Variants in SCARB2 observed in about 807,000 individuals in gnomAD.
SCARB2 encodes scavenger receptor class B member 2, also known as lysosome membrane protein 2.
In SCARB2, 29 loss-of-function variants were observed where a neutral mutation model predicts 58.6. That is an observed-to-expected ratio of 0.49 (90% confidence interval 0.37 to 0.67). The LOEUF (loss-of-function observed/expected upper bound fraction) is 0.67, where lower values mean the gene tolerates loss of function less well. Among genes scored for constraint, SCARB2 ranks in the 30% least tolerant of loss-of-function variants. SCARB2 has a pLI of 0.00. For missense variants in SCARB2, 488 were observed against 578.5 expected, an observed-to-expected ratio of 0.84 and a Z score of 1.60; for synonymous variants, 195 against 210.1, an observed-to-expected ratio of 0.93 and a Z score of 0.62.
At chr4:76,193,376 G>A (rs1489580390) in intron 2 of SCARB2, 9 of 152,278 alleles carry the variant, frequency 5.9e-5, no homozygotes, top group Admixed American at 3.3e-4. Context: ...GGAGCTGAAG[G>A]CTCCACAAAG....
chr4:76,180,887 A>G (rs1210507511), intron 3 of SCARB2, 67 bp downstream of exon 3: 1 of 1,368,404 alleles, frequency 7.3e-7, no homozygotes, highest in African/African-American at 1.4e-5. Context: ...AAAATCATAA[A>G]GAGCATTAAC....
upstream of SCARB2, chr4:76,214,165 G>A (rs1578745121): frequency 2.2e-6 from 1 of 451,518 alleles, no homozygotes; most frequent in Non-Finnish European, 4.4e-6. Flanking sequence ...GGGATTCAAG[G>A]TGGCTGGGAC....
intron 2 of SCARB2, among the ~76,000 whole-genome samples, chr4:76,182,607 C>T (rs2109950113): frequency 6.6e-6 from 1 of 152,286 alleles, no homozygotes; most frequent in South Asian, 2.1e-4. Context: ...TGAGGCCTTT[C>T]CCAACCATAG....
intron 1 of SCARB2, among the ~76,000 whole-genome samples, chr4:76,226,577 G>A (rs1438634428): frequency 6.6e-6 from 1 of 152,116 alleles, no homozygotes; most frequent in Non-Finnish European, 1.5e-5. Context: ...CACAGAGCTT[G>A]GTGTTCCATA....
In SCARB2 at chr4:76,198,837, AGTGAGT is replaced by A. The variant is rs758265677; in HGVS notation, c.118-2979_118-2974del. ...AGAGTAGATCACGTGCTGGAGAGTG[AGTGAGT>A]GTGTGTGTGTGTGTGTGTGTGTGTG... On this transcript the variant is annotated intron_variant, in intron 1 of 11. Transcript: ENST00000264896. 6.6e-3 allele frequency among the ~76,000 whole-genome samples: 859 copies of A among 130,926 alleles called. 4 individuals are homozygous for A. Among genetic ancestry groups the A allele is most frequent in the African/African-American group, 0.026 (804 of 31,332 alleles). 85.9% of individuals were successfully genotyped at this position (130,926 alleles called of 152,430 possible). A position where few individuals can be genotyped will look rare whatever the true frequency, so the allele number is the denominator to read the frequency against.
chr4:76,173,909 A>G (rs1247728191), intron 7 of SCARB2: 5 of 539,484 alleles, frequency 9.3e-6, no homozygotes, highest in Non-Finnish European at 1.3e-5. Flanking sequence ...TGATCTTTCT[A>G]TTGGGCTGAC....
intron 10 of SCARB2, 70 bp downstream of exon 10, chr4:76,166,180 A>C: frequency 7.0e-7 from 1 of 1,421,854 alleles, no homozygotes; most frequent in South Asian, 1.1e-5. Context: ...TGTAACTACA[A>C]CAGTAGACAT....
chr4:76,222,520 G>A (rs1330678248), intron 1 of SCARB2, among the ~76,000 whole-genome samples: 2 of 152,188 alleles, frequency 1.3e-5, no homozygotes, highest in South Asian at 2.1e-4. Flanking sequence ...GAGCCACCGT[G>A]CCCGGCCTTT....
chr4:76,179,120 T>C, intron 4 of SCARB2: 1 of 240,350 alleles, frequency 4.2e-6, no homozygotes, highest in Non-Finnish European at 8.3e-6. Context: ...GTGGTGTAAT[T>C]TCAGCTCACT....
At position 76,184,484 on chromosome 4, in the gene SCARB2, G is replaced by A. The variant is rs994240598; in HGVS notation, c.276-3383C>T. On this transcript the variant is annotated intron_variant, in intron 2 of 11. Coordinates refer to ENST00000264896, the MANE Select transcript of SCARB2 (RefSeq NM_005506.4). ...TAGACAACCATTCCGCTTTCTGCTGGTAATAGCCCTGATTTGCTTTCCTCT... is the reference window on the plus strand; with the variant it reads ...TAGACAACCATTCCGCTTTCTGCTGATAATAGCCCTGATTTGCTTTCCTCT... Among the ~76,000 whole-genome samples the A allele has an allele frequency of 2.0e-5, 3 of 152,306 alleles. No homozygotes were observed. The East Asian group carries it at 5.8e-4, about 29-fold the overall frequency.
intron 8 of SCARB2, among the ~76,000 whole-genome samples, chr4:76,169,341 C>CACACACACACACATGT (rs3217498): frequency 1.3e-5 from 2 of 151,126 alleles, no homozygotes; most frequent in African/African-American, 4.9e-5. Flanking sequence ...CACACACACA[C>CACACACACACACATGT]GTGTGTATGT....
At chr4:76,178,603 G>A (rs1167088831) in intron 4 of SCARB2, among the ~76,000 whole-genome samples, 1 of 152,132 alleles carries the variant, frequency 6.6e-6, no homozygotes, top group Non-Finnish European at 1.5e-5. Flanking sequence ...GGGCTTGACA[G>A]GAAATCTGTG....
rs149474488 is a variant in SCARB2, at chr4:76,163,361, G to A, written c.1262C>T (p.Thr421Met). The A allele has an allele frequency of 1.9e-4, 311 of 1,614,144 alleles. 1 individual carries two copies. The highest frequency in any genetic ancestry group is 6.0e-4 in the East Asian group (27 of 44,884). ...AATCATAGACTTCAGTCGACTCGCC[G>A]TCTCTTTATCAATGTGAACACTCTG... ...LNESVHIDKETASRLKSMINT... is the reference protein window; with the variant it reads ...LNESVHIDKEMASRLKSMINT... Residue 421 changes from threonine to methionine, a missense_variant, in exon 11 of 12, where the codon ACG (threonine) becomes ATG (methionine). By Grantham distance (81) the Thr-to-Met change is moderately conservative. Transcript: ENST00000264896.
rs1732696835 is a variant in SCARB2 at position 76,195,719 on chromosome 4, G to A, written c.263C>T (p.Pro88Leu). ...GETPRVEEVGPYTYRELRNKA... is the reference protein window; with the variant it reads ...GETPRVEEVGLYTYRELRNKA... ...GGTCAAGACTTACCTGTAGGTGTATGGCCCCACTTCTTCCACCCGAGGGGT... is the reference window on the plus strand; with the variant it reads ...GGTCAAGACTTACCTGTAGGTGTATAGCCCCACTTCTTCCACCCGAGGGGT... Residue 88 changes from proline (P) to leucine (L), a missense_variant, in exon 2 of 12, where the codon CCA becomes CTA. Coordinates refer to ENST00000264896, the MANE Select transcript of SCARB2 (RefSeq NM_005506.4). The A allele has an allele frequency of 6.2e-7, 1 of 1,613,816 alleles. No homozygotes were observed. Among genetic ancestry groups the A allele is most frequent in the African/African-American group, 1.3e-5 (1 of 74,914 alleles).
At position 76,219,073 on chromosome 4, in the gene SCARB2, G is replaced by T. The variant is rs60787535; in HGVS notation, c.-358+15230C>A. Among the ~76,000 whole-genome samples, 455 of 152,288 alleles carry T rather than the reference G, an allele frequency of 3.0e-3. 6 individuals carry two copies. The highest frequency in any genetic ancestry group is 0.01 in the African/African-American group (428 of 41,556). On this transcript the variant is annotated intron_variant, in intron 1 of 11. Transcript: ENST00000638295. ...CAAGTCAGTCAGATGCTTTAGCCAG[G>T]CTCTTAACCCCTTAGCCACTGCTTG...
chr4:76,195,504 C>G (rs1030434079), intron 2 of SCARB2: 5 of 587,198 alleles, frequency 8.5e-6, no homozygotes, highest in African/African-American at 1.9e-5. Context: ...ACACAACACG[C>G]TGAGACTTGG....
In SCARB2 at chr4:76,212,762, T is replaced by G. The variant is rs578162432; in HGVS notation, c.117+665A>C. ...TCTAGAGGAAGAGACAAGTTCAGAT[T>G]CTTGTAGGGTATCTAAATGCATCTG... On this transcript the variant is annotated intron_variant, in intron 1 of 11. Transcript: ENST00000264896. 5.0e-4 allele frequency among the ~76,000 whole-genome samples: 76 copies of G among 152,316 alleles called. 1 individual carries two copies. The highest frequency in any genetic ancestry group is 1.8e-3 in the African/African-American group (75 of 41,560).
intron 7 of SCARB2, among the ~76,000 whole-genome samples, 164 bp from the exon 8 acceptor site, chr4:76,170,149 G>A (rs1166677869): frequency 1.3e-5 from 2 of 152,102 alleles, no homozygotes; most frequent in East Asian, 3.9e-4. Flanking sequence ...TCCTAGTTCA[G>A]GATTTATACT....
chr4:76,228,952 C>G (rs764209670), intron 1 of SCARB2, among the ~76,000 whole-genome samples: 4 of 152,118 alleles, frequency 2.6e-5, no homozygotes, highest in African/African-American at 9.7e-5. Flanking sequence ...AATTTCTCTT[C>G]TTCCACAGGA....
Sources: allele counts gnomAD v4.1 joint callset (sites outside exome capture counted in the v4.1 genomes callset), GRCh38; gene constraint gnomAD v4.1.1; transcripts MANE v1.5; gene names NCBI Gene and HGNC (gene_info 2026-07-23, HGNC 2026-07-21).